Variants in COP1 observed in about 807,000 individuals in gnomAD.
COP1 encodes COP1 E3 ubiquitin ligase, also known as E3 ubiquitin-protein ligase COP1.
In COP1, 24 loss-of-function variants were observed where a neutral mutation model predicts 101.3. The ratio of observed to expected loss-of-function variants is 0.24; its 90% CI spans 0.17 to 0.33. The LOEUF is 0.33. Ranked by LOEUF, COP1 falls within the 10% of genes least tolerant of loss-of-function variation. COP1 has a pLI of 1.00. For synonymous variants in COP1, 347 were observed against 341.9 expected (o/e 1.01, Z -0.17); for missense variants, 663 against 906.2 (o/e 0.73, Z 3.45).
At chr1:176,053,359 C>T (rs1385074239) in intron 11 of COP1, among the ~76,000 whole-genome samples, 1 of 152,164 alleles carries the variant, frequency 6.6e-6, no homozygotes, top group Non-Finnish European at 1.5e-5. Flanking sequence ...CTCAAAATCT[C>T]CTGTAACATA....
intron 9 of COP1, among the ~76,000 whole-genome samples, chr1:176,089,484 G>A (rs1572166539): frequency 6.6e-6 from 1 of 152,138 alleles, no homozygotes; most frequent in Non-Finnish European, 1.5e-5. Flanking sequence ...AAAGGTTTGT[G>A]GTCCTAAATA....
At chr1:176,094,395 G>A (rs1681944010) in intron 9 of COP1, among the ~76,000 whole-genome samples, 1 of 151,440 alleles carries the variant, frequency 6.6e-6, no homozygotes, top group Admixed American at 6.6e-5. Flanking sequence ...ATAAAAAATA[G>A]AAATGTGCTA....
intron 11 of COP1, among the ~76,000 whole-genome samples, chr1:176,066,293 T>C (rs996202291): frequency 1.3e-5 from 2 of 152,218 alleles, no homozygotes; most frequent in African/African-American, 4.8e-5. Context: ...CCCCATGTCA[T>C]GTAAAACTTT....
At chr1:176,125,252 T>C (rs910632560) in intron 8 of COP1, among the ~76,000 whole-genome samples, 1 of 152,206 alleles carries the variant, frequency 6.6e-6, no homozygotes, top group Non-Finnish European at 1.5e-5. Flanking sequence ...CAGAAGCTTT[T>C]TAACTTGATA....
Position 175,947,230 on chromosome 1 carries a change from C to A in COP1, c.2143G>T (p.Val715Leu). 1 of 1,607,972 alleles carries A rather than the reference C, an allele frequency of 6.2e-7. No individual in the cohort carries two copies. The highest frequency in any genetic ancestry group is 8.5e-7 in the Non-Finnish European group (1 of 1,174,430). Residue 715 changes from valine (V) to leucine (L), a missense_variant, in exon 19 of 20, where the codon GTG (valine) becomes TTG (leucine). Val to Leu is a conservative substitution (Grantham distance 32). Coordinates refer to ENST00000367669, the MANE Select transcript of COP1 (RefSeq NM_022457.7). ...WRALPDGESN[V>L]LIAANSQGTI... ...CCCTGACTGTTAGCAGCAATCAGCACATTGGACTCCTAGAAAAGAACAAGA... is the reference window on the plus strand; with the variant it reads ...CCCTGACTGTTAGCAGCAATCAGCAAATTGGACTCCTAGAAAAGAACAAGA...
intron 14 of COP1, among the ~76,000 whole-genome samples, chr1:176,036,879 T>C (rs1457941231): frequency 2.6e-5 from 4 of 152,184 alleles, no homozygotes; most frequent in Non-Finnish European, 5.9e-5. Flanking sequence ...TGTAATCCCA[T>C]TGTAAGTGGA....
rs10637320 is a variant in COP1 at position 176,188,834 on chromosome 1, TAC to T, written c.408-4144_408-4143del. The stretch of plus-strand genomic sequence containing the variant: ...CAGCCTAAGTGACAAAACACATAGA[TAC>T]ACACACACACACACACACACACAGA... On this transcript the variant is annotated intron_variant, in intron 1 of 19. Transcript: ENST00000367669. Among the ~76,000 whole-genome samples the T allele has an allele frequency of 3.3e-4, 49 of 148,456 alleles. 1 individual carries two copies. Among genetic ancestry groups the T allele is most frequent in the African/African-American group, 7.0e-4 (28 of 40,144 alleles).
At chr1:175,980,786 A>G (rs902091947) in intron 18 of COP1, among the ~76,000 whole-genome samples, 2 of 152,130 alleles carry the variant, frequency 1.3e-5, no homozygotes, top group African/African-American at 4.8e-5. Context: ...ACTATTAGCT[A>G]TCCACTTAGG....
intron 11 of COP1, among the ~76,000 whole-genome samples, chr1:176,047,976 G>A (rs1312402542): frequency 6.6e-6 from 1 of 152,122 alleles, no homozygotes; most frequent in East Asian, 1.9e-4. Flanking sequence ...GGGAGGCTGA[G>A]GTGGGAGGAC....
In COP1 at chr1:176,106,359, A is replaced by G. The variant is rs978759579; in HGVS notation, c.1026+10265T>C. ...TTACAGGTTACAGCTTAAAACAAAG[A>G]CCATAACAGCCCTTTCCCCAAAACA... On this transcript the variant is annotated intron_variant, in intron 9 of 19. Coordinates refer to ENST00000367669, the MANE Select transcript of COP1 (RefSeq NM_022457.7). 9.9e-5 allele frequency among the ~76,000 whole-genome samples: 15 copies of G among 152,260 alleles called. No individual in the cohort carries two copies. In the South Asian group the frequency reaches 3.1e-3, roughly 32 times the overall value.
At chr1:176,008,165 G>A (rs1038383228) in intron 15 of COP1, among the ~76,000 whole-genome samples, 1 of 152,156 alleles carries the variant, frequency 6.6e-6, no homozygotes, top group African/African-American at 2.4e-5. Context: ...GACCCCTTGC[G>A]CTTCCCAAGT....
At chr1:176,099,667 T>G (rs1683042712) in intron 9 of COP1, among the ~76,000 whole-genome samples, 1 of 152,200 alleles carries the variant, frequency 6.6e-6, no homozygotes, top group Admixed American at 6.5e-5. Flanking sequence ...GAAATGTTGT[T>G]TTACCAAGGC....
chr1:176,067,231 G>A (rs1354160504), intron 11 of COP1, among the ~76,000 whole-genome samples: 2 of 152,128 alleles, frequency 1.3e-5, no homozygotes, highest in Non-Finnish European at 2.9e-5. Flanking sequence ...TGGGAGAGGG[G>A]CAGTGAAGTG....
intron 15 of COP1, among the ~76,000 whole-genome samples, chr1:175,990,227 A>G (rs1170142130): frequency 6.6e-6 from 1 of 152,034 alleles, no homozygotes; most frequent in East Asian, 1.9e-4. Flanking sequence ...GTAATGTGTC[A>G]TGTAATTTCC....
intron 1 of COP1, among the ~76,000 whole-genome samples, chr1:176,192,115 G>A (rs1699173334): frequency 6.6e-6 from 1 of 152,076 alleles, no homozygotes; most frequent in Non-Finnish European, 1.5e-5. Context: ...TAACAGAAAA[G>A]CAAGATTGAA....
chr1:175,975,513 G>A (rs1654323403), intron 18 of COP1, among the ~76,000 whole-genome samples: 1 of 152,060 alleles, frequency 6.6e-6, no homozygotes, highest in Non-Finnish European at 1.5e-5. Context: ...GGGTTCAAGC[G>A]ATTCTCATGT....
chr1:176,073,960 A>G (rs1318034248), intron 11 of COP1, among the ~76,000 whole-genome samples: 2 of 149,140 alleles, frequency 1.3e-5, no homozygotes, highest in Admixed American at 6.6e-5. Flanking sequence ...TTTGTTTGAG[A>G]CAGAGTCTCA....
intron 5 of COP1, among the ~76,000 whole-genome samples, chr1:176,151,375 A>AAGAAAG: frequency 9.0e-6 from 1 of 111,114 alleles, no homozygotes. Flanking sequence ...GAAAGAAAGA[A>AAGAAAG]AGAAAGAAAG....
chr1:176,185,703 G>A (rs1698359028), intron 1 of COP1, among the ~76,000 whole-genome samples: 1 of 152,230 alleles, frequency 6.6e-6, no homozygotes, highest in Non-Finnish European at 1.5e-5. Flanking sequence ...AAGCTAGGAA[G>A]AAAGGAGGAT....
Sources: gnomAD v4.1 joint callset for allele counts (sites outside exome capture counted in the v4.1 genomes callset) on GRCh38, gnomAD v4.1.1 for gene constraint, MANE v1.5 for transcripts, NCBI Gene and HGNC (gene_info 2026-07-23, HGNC 2026-07-21) for gene names.